The following CDH13 variants were observed in gnomAD, a reference collection of about 807,000 sequenced individuals.
CDH13 encodes the protein cadherin 13.
CDH13 carries 24 observed loss-of-function variants against 63.8 expected under a neutral mutation model. The observed-to-expected ratio is 0.38, with a 90% CI of 0.27 to 0.53. The LOEUF is 0.53. CDH13 is among the 20% of genes least tolerant of loss of function. CDH13 has a pLI of 0.85. For synonymous variants in CDH13, 503 were observed against 355.3 expected (o/e 1.42, Z -4.67); for missense variants, 1,049 against 903.1 (o/e 1.16, Z -2.07).
intron 10 of CDH13, among the ~76,000 whole-genome samples, chr16:83,739,224 A>C (rs1911830194): frequency 6.6e-6 from 1 of 152,008 alleles, no homozygotes; most frequent in African/African-American, 2.4e-5. Context: ...AATTTTGCTA[A>C]TGCCATGTGG....
chr16:82,899,361 A>T (rs2041379698), intron 2 of CDH13, among the ~76,000 whole-genome samples: 1 of 152,246 alleles, frequency 6.6e-6, no homozygotes, highest in Admixed American at 6.5e-5. Flanking sequence ...GATCTTAACA[A>T]TACAATACAT....
At chr16:82,763,570 C>T (rs2034935960) in intron 1 of CDH13, among the ~76,000 whole-genome samples, 1 of 152,206 alleles carries the variant, frequency 6.6e-6, no homozygotes, top group Non-Finnish European at 1.5e-5. Flanking sequence ...AATGCAATGT[C>T]TGCATATATT....
At chr16:83,493,411 T>C (rs1415312635) in intron 7 of CDH13, among the ~76,000 whole-genome samples, 3 of 152,176 alleles carry the variant, frequency 2.0e-5, no homozygotes, top group Non-Finnish European at 2.9e-5. Flanking sequence ...TCTGCTGAAC[T>C]CATGGTGCTG....
chr16:83,514,587 G>A (rs2074656490), intron 7 of CDH13, among the ~76,000 whole-genome samples: 2 of 152,174 alleles, frequency 1.3e-5, no homozygotes, highest in South Asian at 4.1e-4. Flanking sequence ...GGAGGTTGCA[G>A]TAAGCCAAGA....
intron 6 of CDH13, among the ~76,000 whole-genome samples, chr16:83,449,824 T>C (rs11646098): frequency 0.026 from 3,896 of 152,296 alleles, 77 homozygotes; most frequent in Non-Finnish European, 0.035. Context: ...TGGTTTGTTT[T>C]GAAGAGAAAA....
At chr16:83,453,038 C>T (rs920308455) in intron 6 of CDH13, among the ~76,000 whole-genome samples, 7 of 152,108 alleles carry the variant, frequency 4.6e-5, no homozygotes, top group Non-Finnish European at 1.0e-4. Flanking sequence ...TACTACTCAG[C>T]CCTAAAAAGG....
intron 2 of CDH13, among the ~76,000 whole-genome samples, chr16:82,937,740 A>G (rs890920950): frequency 6.6e-6 from 1 of 152,174 alleles, no homozygotes; most frequent in Non-Finnish European, 1.5e-5. Flanking sequence ...TCAAGCGTCC[A>G]TAATATCTGT....
chr16:82,869,123 T>G (rs1745586976), intron 2 of CDH13, among the ~76,000 whole-genome samples: 1 of 152,186 alleles, frequency 6.6e-6, no homozygotes, highest in Non-Finnish European at 1.5e-5. Context: ...CTCAACTCAC[T>G]GCAACCTCTG....
At chr16:83,178,777 T>C (rs2151740865) in intron 4 of CDH13, among the ~76,000 whole-genome samples, 1 of 152,236 alleles carries the variant, frequency 6.6e-6, no homozygotes, top group Admixed American at 6.6e-5. Context: ...GCTTTGTTTT[T>C]TTTCATCTTC....
intron 6 of CDH13, among the ~76,000 whole-genome samples, chr16:83,416,022 A>G (rs2092195254): frequency 6.6e-6 from 1 of 152,226 alleles, no homozygotes; most frequent in Non-Finnish European, 1.5e-5. Flanking sequence ...ATTAAAAACT[A>G]TTAGAATTAA....
chr16:83,371,334 G>C (rs1346425394), intron 6 of CDH13, among the ~76,000 whole-genome samples: 1 of 152,062 alleles, frequency 6.6e-6, no homozygotes, highest in Non-Finnish European at 1.5e-5. Flanking sequence ...TTTTGCATTA[G>C]TGGAGAAACA....
At chr16:83,255,677 G>C (rs1221569230) in intron 5 of CDH13, among the ~76,000 whole-genome samples, 1 of 152,074 alleles carries the variant, frequency 6.6e-6, no homozygotes. Context: ...GGATAAATAC[G>C]GAATTCTAGG....
intron 5 of CDH13, among the ~76,000 whole-genome samples, chr16:83,218,078 G>T (rs538878285): frequency 8.5e-5 from 13 of 152,290 alleles, no homozygotes; most frequent in Non-Finnish European, 1.5e-4. Flanking sequence ...ATATCATGAG[G>T]TGTATATGTT....
At position 83,254,952 on chromosome 16, in the gene CDH13, TTTCTTTCTTTCTTTCTTTCTTTC is replaced by T. The variant is rs1906041800; in HGVS notation, c.636+37458_636+37480del. Among the ~76,000 whole-genome samples the T allele has an allele frequency of 4.9e-3, 712 of 145,586 alleles. 16 individuals carry two copies. Among genetic ancestry groups the T allele is most frequent in the East Asian group, 0.025 (128 of 5,032 alleles). On this transcript the variant is annotated intron_variant, in intron 5 of 13. Coordinates refer to ENST00000567109, the MANE Select transcript of CDH13 (RefSeq NM_001257.5). Reference sequence around the variant, plus strand: ...CTTTCTTGGATTTTTTCTTTTTCTCTTTCTTTCTTTCTTTCTTTCTTTCTTTCTTTCTTTCTTTCTTTCTTTCT... The same window carrying T: ...CTTTCTTGGATTTTTTCTTTTTCTCTTTTCTTTCTTTCTTTCTTTCTTTCT...
At chr16:83,046,811 T>G (rs1377221639) in intron 3 of CDH13, among the ~76,000 whole-genome samples, 1 of 152,140 alleles carries the variant, frequency 6.6e-6, no homozygotes, top group Non-Finnish European at 1.5e-5. Flanking sequence ...CCACCCTTCC[T>G]CTCCAACCTT....
At chr16:83,226,587 C>G (rs556035671) in intron 5 of CDH13, among the ~76,000 whole-genome samples, 65 of 152,132 alleles carry the variant, frequency 4.3e-4, no homozygotes, top group Non-Finnish European at 7.1e-4. Flanking sequence ...TTTTAGTTGT[C>G]TAACTACAAC....
At chr16:82,920,356 T>C (rs535574961) in intron 2 of CDH13, among the ~76,000 whole-genome samples, 1 of 152,260 alleles carries the variant, frequency 6.6e-6, no homozygotes, top group South Asian at 2.1e-4. Flanking sequence ...GAAACTCCAA[T>C]GGAAAGAGTC....
intron 4 of CDH13, among the ~76,000 whole-genome samples, chr16:83,195,373 C>A (rs1162810701): frequency 6.6e-6 from 1 of 152,114 alleles, no homozygotes; most frequent in Non-Finnish European, 1.5e-5. Flanking sequence ...ACTCATGGTT[C>A]CACAGGCTGT....
intron 5 of CDH13, among the ~76,000 whole-genome samples, chr16:83,222,040 T>C (rs897119997): frequency 2.0e-5 from 3 of 152,098 alleles, no homozygotes; most frequent in African/African-American, 4.8e-5. Context: ...GTGCCAAGGC[T>C]CCATGCCAAA....
Sources: allele counts gnomAD v4.1 joint callset (sites outside exome capture counted in the v4.1 genomes callset), GRCh38; gene constraint gnomAD v4.1.1; transcripts MANE v1.5; gene names NCBI Gene and HGNC (gene_info 2026-07-23, HGNC 2026-07-21).